MMP26: variants seen among roughly 807,000 people sequenced by gnomAD.
MMP26 encodes the protein matrix metalloproteinase-26.
MMP26 carries 33 observed loss-of-function variants against 31.0 expected under a neutral mutation model. That is an observed-to-expected ratio of 1.06 (90% CI 0.81 to 1.42). The LOEUF (loss-of-function observed/expected upper bound fraction) is 1.42, where lower values mean the gene tolerates loss of function less well. MMP26 is among the 40% of genes most tolerant of loss of function. MMP26 has a pLI of 0.00. For synonymous variants in MMP26, 122 were observed against 114.9 expected, an observed-to-expected ratio of 1.06 and a Z score of -0.40; for missense variants, 347 against 316.1, an observed-to-expected ratio of 1.10 and a Z score of -0.74.
intron 2 of MMP26, among the ~76,000 whole-genome samples, chr11:4,928,042 TGGGGAGAGG>T (rs57675969): frequency 0.12 from 18,033 of 151,952 alleles, 1,362 homozygotes; most frequent in South Asian, 0.35. Context: ...TTGTGGCGTG[TGGGGAGAGG>T]GTCGAGGGGG....
intron 2 of MMP26, chr11:4,923,439 T>G (rs1054288701): frequency 6.2e-7 from 1 of 1,600,628 alleles, no homozygotes; most frequent in African/African-American, 1.3e-5. Flanking sequence ...CGCTGGCGAA[T>G]TTGCTTGGTC....
chr11:4,979,886 GT>G (rs1846789334), intron 2 of MMP26, among the ~76,000 whole-genome samples: 3 of 152,034 alleles, frequency 2.0e-5, no homozygotes, highest in Non-Finnish European at 4.4e-5. Flanking sequence ...AATAATTCAT[GT>G]TTATATGGAA....
chr11:4,956,877 T>C (rs755077918), intron 2 of MMP26, among the ~76,000 whole-genome samples: 53 of 152,348 alleles, frequency 3.5e-4, no homozygotes, highest in Non-Finnish European at 6.5e-4. Context: ...TAATGACCAA[T>C]ATTTCTTAGA....
intron 2 of MMP26, among the ~76,000 whole-genome samples, chr11:4,823,668 C>T (rs952849046): frequency 1.3e-5 from 2 of 152,110 alleles, no homozygotes; most frequent in African/African-American, 4.8e-5. Flanking sequence ...GGATTCTGGG[C>T]CAACTATTCA....
intron 2 of MMP26, among the ~76,000 whole-genome samples, chr11:4,828,338 G>A (rs1849605161): frequency 6.6e-6 from 1 of 152,208 alleles, no homozygotes; most frequent in East Asian, 1.9e-4. Flanking sequence ...ACTCACTGAC[G>A]ATCCATAGTT....
At chr11:4,980,964 G>A (rs1846804947) in intron 2 of MMP26, among the ~76,000 whole-genome samples, 1 of 151,936 alleles carries the variant, frequency 6.6e-6, no homozygotes, top group African/African-American at 2.4e-5. Context: ...TTCAGTTAAG[G>A]TGAATTCTTA....
chr11:4,727,794 G>A (rs1848122808), intron 1 of MMP26, among the ~76,000 whole-genome samples: 1 of 152,124 alleles, frequency 6.6e-6, no homozygotes. Flanking sequence ...GGGCAACAGA[G>A]CAAGACTGTG....
At chr11:4,966,070 C>T (rs1237250146) in intron 2 of MMP26, among the ~76,000 whole-genome samples, 1 of 152,072 alleles carries the variant, frequency 6.6e-6, no homozygotes, top group Non-Finnish European at 1.5e-5. Flanking sequence ...ATGTACAGTA[C>T]AATGAGTTAT....
chr11:4,706,151 T>C (rs937945634), intron 1 of MMP26, among the ~76,000 whole-genome samples: 11 of 152,202 alleles, frequency 7.2e-5, no homozygotes, highest in African/African-American at 2.7e-4. Context: ...GTTTGGCACG[T>C]AGAAGGCATT....
At chr11:4,721,515 G>A (rs1047260598) in intron 1 of MMP26, among the ~76,000 whole-genome samples, 2 of 152,150 alleles carry the variant, frequency 1.3e-5, no homozygotes, top group Non-Finnish European at 2.9e-5. Flanking sequence ...TGAGTCAATG[G>A]CTGTTTTGGA....
chr11:4,764,658 C>T (rs924501307), intron 1 of MMP26, among the ~76,000 whole-genome samples: 2 of 152,184 alleles, frequency 1.3e-5, no homozygotes, highest in Non-Finnish European at 2.9e-5. Context: ...ATCACGAGGT[C>T]AGGAGATCCA....
intron 2 of MMP26, among the ~76,000 whole-genome samples, chr11:4,902,021 A>T (rs933847581): frequency 6.6e-6 from 1 of 152,292 alleles, no homozygotes; most frequent in Non-Finnish European, 1.5e-5. Context: ...CTGACATAAA[A>T]CTTTAAACTG....
intron 2 of MMP26, chr11:4,860,564 T>TCAAG: frequency 2.2e-6 from 1 of 459,772 alleles, no homozygotes; most frequent in South Asian, 1.6e-5. Context: ...AAGTTCGTCA[T>TCAAG]GTTGTTCTCA....
intron 2 of MMP26, among the ~76,000 whole-genome samples, chr11:4,810,899 GATTT>G (rs1476324911): frequency 3.3e-5 from 5 of 152,184 alleles, no homozygotes; most frequent in Non-Finnish European, 5.9e-5. Context: ...TGCAAAGAAC[GATTT>G]GTTTGCGAGG....
chr11:4,866,781 A>G (rs1310272914), intron 2 of MMP26, among the ~76,000 whole-genome samples: 1 of 152,148 alleles, frequency 6.6e-6, no homozygotes, highest in Non-Finnish European at 1.5e-5. Context: ...AGAAGATTAC[A>G]CACCTACAAC....
intron 2 of MMP26, among the ~76,000 whole-genome samples, chr11:4,901,687 C>T (rs575766494): frequency 4.6e-5 from 7 of 152,192 alleles, no homozygotes; most frequent in South Asian, 2.1e-4. Context: ...TCCTATACCG[C>T]AGGATCCCTA....
Position 4,800,968 on chromosome 11 carries a change from A to G in MMP26, c.-145+33627A>G, listed in dbSNP as rs180900718. On this transcript the variant is annotated intron_variant, in intron 2 of 7. Coordinates refer to ENST00000380390, the MANE Select transcript of MMP26 (RefSeq NM_021801.5). ...AATTCCAGCTCCCAATAGCTTCCTC[A>G]TTTCCATCTGAGAACTCATCAGCCT... Among the ~76,000 whole-genome samples, 13 of 151,080 alleles carry G rather than the reference A, an allele frequency of 8.6e-5. No individual in the cohort carries two copies. In the East Asian group the frequency reaches 2.5e-3, roughly 29 times the overall value.
chr11:4,882,479 C>G (rs150542668), intron 2 of MMP26: 1 of 1,613,806 alleles, frequency 6.2e-7, no homozygotes, highest in African/African-American at 1.3e-5. Flanking sequence ...ATATTCCAAA[C>G]CTTGGATCAG....
chr11:4,879,675 A>C (rs866252067), intron 2 of MMP26, among the ~76,000 whole-genome samples: 2 of 152,158 alleles, frequency 1.3e-5, no homozygotes, highest in African/African-American at 2.4e-5. Flanking sequence ...TGAAAGATAT[A>C]GTTTCTGAAG....
Sources: gnomAD v4.1 joint callset for allele counts (sites outside exome capture counted in the v4.1 genomes callset) on GRCh38, gnomAD v4.1.1 for gene constraint, MANE v1.5 for transcripts, NCBI Gene and HGNC (gene_info 2026-07-23, HGNC 2026-07-21) for gene names.